The following ZDHHC20 variants were observed in gnomAD, a reference collection of about 807,000 sequenced individuals.
The protein encoded by ZDHHC20 is palmitoyltransferase ZDHHC20.
A neutral mutation model predicts 57.8 loss-of-function variants in ZDHHC20; 43 were observed. The ratio of observed to expected loss-of-function variants is 0.74; its 90% CI spans 0.58 to 0.96. The LOEUF is 0.96. Ranked by LOEUF, ZDHHC20 falls within the 40% of genes least tolerant of loss-of-function variation. ZDHHC20 has a pLI of 0.00. For synonymous variants in ZDHHC20, 157 were observed against 153.0 expected, an observed-to-expected ratio of 1.03 and a Z score of -0.19; for missense variants, 391 against 441.1, an observed-to-expected ratio of 0.89 and a Z score of 1.02.
chr13:21,458,975 CG>C, intron 1 of ZDHHC20, 78 bp downstream of exon 1: 9 of 1,073,558 alleles, frequency 8.4e-6, no homozygotes, highest in Non-Finnish European at 1.1e-5. Flanking sequence ...AGAAAGGCGG[CG>C]GGTGTGGGGC....
In ZDHHC20 at chr13:21,380,134, G is replaced by C. The variant is rs187287737; in HGVS notation, c.1060+1300C>G. 9.6e-3 allele frequency among the ~76,000 whole-genome samples: 1,292 copies of C among 134,764 alleles called. 9 individuals are homozygous for C. The highest frequency in any genetic ancestry group is 0.058 in the Middle Eastern group (8 of 138). 88.4% of individuals were successfully genotyped at this position (134,764 alleles called of 152,430 possible). On this transcript the variant is annotated intron_variant, in intron 11 of 12. Transcript: ENST00000400590. Reference sequence around the variant, plus strand: ...CCAGCCTTTTTTTCCTTTCTTCCCCGAGATGGAGTCTCACTCTGTCACCCA... The same window carrying C: ...CCAGCCTTTTTTTCCTTTCTTCCCCCAGATGGAGTCTCACTCTGTCACCCA...
chr13:21,378,820 C>T, intron 11 of ZDHHC20, 82 bp from the exon 12 acceptor site: 1 of 732,362 alleles, frequency 1.4e-6, no homozygotes, highest in Admixed American at 3.8e-5. Context: ...GGTAAAATGA[C>T]AGCAAAAATG....
At chr13:21,433,414 G>A (rs4770156) in intron 1 of ZDHHC20, among the ~76,000 whole-genome samples, 58,561 of 151,936 alleles carry the variant, frequency 0.39, 11,631 homozygotes, top group Non-Finnish European at 0.43. Flanking sequence ...TCAGGAGATC[G>A]AGACCATCCT....
chr13:21,432,515 G>A (rs1418939781), intron 1 of ZDHHC20, among the ~76,000 whole-genome samples: 1 of 151,984 alleles, frequency 6.6e-6, no homozygotes, highest in Non-Finnish European at 1.5e-5. Flanking sequence ...GTGTTTTTTA[G>A]TAGAGATGGG....
intron 1 of ZDHHC20, among the ~76,000 whole-genome samples, chr13:21,454,110 G>A (rs1884703051): frequency 2.0e-5 from 3 of 152,134 alleles, no homozygotes; most frequent in Admixed American, 1.3e-4. Context: ...TGGATCGCTT[G>A]AGGTCAGGAG....
chr13:21,375,159 T>C lies in ZDHHC20; in HGVS notation c.*1537A>G, dbSNP rs1348787936. The stretch of plus-strand genomic sequence containing the variant: ...AAAAAGAAGAAAAAAATTTATTGGG[T>C]GAATGAAAAGTGATTTTGCAAAATT... On this transcript the variant is annotated 3_prime_UTR_variant, in exon 13 of 13. Transcript: ENST00000400590. 2.2e-6 allele frequency: 1 copy of C among 456,382 alleles called. No individual in the cohort carries two copies. The highest frequency in any genetic ancestry group is 2.0e-5 in the African/African-American group (1 of 50,114). The allele number at this position is 456,382 out of a possible 1,614,324, so 28.3% of individuals were successfully genotyped here.
chr13:21,402,005 C>T (rs548201946), intron 5 of ZDHHC20, among the ~76,000 whole-genome samples: 10 of 151,868 alleles, frequency 6.6e-5, no homozygotes, highest in East Asian at 5.8e-4. Context: ...GAGGTGGAGG[C>T]GATAGGATCA....
At chr13:21,382,894 G>C (rs1189088931) in intron 10 of ZDHHC20, 26 bp downstream of exon 10, 2 of 1,531,596 alleles carry the variant, frequency 1.3e-6, no homozygotes, top group Admixed American at 3.9e-5. Flanking sequence ...GATGAATATA[G>C]AAAAGCATAA....
chr13:21,449,151 C>T (rs1204880243), intron 1 of ZDHHC20, among the ~76,000 whole-genome samples: 1 of 145,046 alleles, frequency 6.9e-6, no homozygotes, highest in Non-Finnish European at 1.5e-5. Flanking sequence ...CTGACCTTCC[C>T]TCCACTATTG....
intron 2 of ZDHHC20, among the ~76,000 whole-genome samples, chr13:21,422,353 T>G (rs1192000317): frequency 1.3e-5 from 2 of 152,150 alleles, no homozygotes; most frequent in East Asian, 3.8e-4. Flanking sequence ...TGTCCTTCCT[T>G]TGGACTGAGG....
At chr13:21,433,570 T>C (rs1215743407) in intron 1 of ZDHHC20, among the ~76,000 whole-genome samples, 2 of 133,620 alleles carry the variant, frequency 1.5e-5, no homozygotes, top group Admixed American at 8.6e-5. Flanking sequence ...TGAGCCGAGA[T>C]CACTCCACTG....
At chr13:21,381,069 C>T (rs909913002) in intron 11 of ZDHHC20, among the ~76,000 whole-genome samples, 15 of 151,636 alleles carry the variant, frequency 9.9e-5, no homozygotes, top group African/African-American at 2.7e-4. Context: ...TGCAGTGGCG[C>T]GATCTCAGCT....
intron 3 of ZDHHC20, among the ~76,000 whole-genome samples, chr13:21,419,148 A>C (rs1416139974): frequency 6.6e-6 from 1 of 152,220 alleles, no homozygotes; most frequent in Non-Finnish European, 1.5e-5. Flanking sequence ...TTTCAATTTC[A>C]AGATTAAGAA....
chr13:21,409,459 C>A (rs1337369798), intron 4 of ZDHHC20, among the ~76,000 whole-genome samples: 1 of 152,102 alleles, frequency 6.6e-6, no homozygotes, highest in African/African-American at 2.4e-5. Flanking sequence ...GTGATATCCC[C>A]TTTATCATTT....
At position 21,375,950 on chromosome 13, in the gene ZDHHC20, A is replaced by G. The variant is rs751488665; in HGVS notation, c.*746T>C. ...AGTTCAACAAAAAAAGCTATAAAAT[A>G]GCAGAGAGAACCCAAAATATTTCTT... On this transcript the variant is annotated 3_prime_UTR_variant, in exon 13 of 13. Coordinates refer to ENST00000400590, the MANE Select transcript of ZDHHC20 (RefSeq NM_001330059.2). 6.6e-6 allele frequency: 1 copy of G among 152,228 alleles called. No homozygotes were observed. The highest frequency in any genetic ancestry group is 1.5e-5 in the Non-Finnish European group (1 of 68,042). The allele number at this position is 152,228 out of a possible 1,614,324, so 9.4% of individuals were successfully genotyped here. A position where few individuals can be genotyped will look rare whatever the true frequency, so the allele number is the denominator to read the frequency against.
chr13:21,453,067 T>C (rs1884604260), intron 1 of ZDHHC20, among the ~76,000 whole-genome samples: 2 of 152,194 alleles, frequency 1.3e-5, no homozygotes, highest in Admixed American at 1.3e-4. Flanking sequence ...AAATATATGC[T>C]CTTTACGAGA....
chr13:21,455,683 C>T (rs976153239), intron 1 of ZDHHC20, among the ~76,000 whole-genome samples: 7 of 150,622 alleles, frequency 4.6e-5, no homozygotes, highest in African/African-American at 1.7e-4. Flanking sequence ...TCTAATTACA[C>T]AATTAGCAAG....
intron 6 of ZDHHC20, among the ~76,000 whole-genome samples, 165 bp downstream of exon 6, chr13:21,401,488 G>C (rs1877616603): frequency 6.6e-6 from 1 of 152,096 alleles, no homozygotes; most frequent in Admixed American, 6.5e-5. Flanking sequence ...TATTTTAATA[G>C]AAACCATTTA....
At chr13:21,440,036 C>T (rs1252424303) in intron 1 of ZDHHC20, among the ~76,000 whole-genome samples, 1 of 142,944 alleles carries the variant, frequency 7.0e-6, no homozygotes, top group African/African-American at 2.7e-5. Context: ...CATGGCACTC[C>T]AGCCTGGGCG....
Sources: gnomAD v4.1 joint callset for allele counts (sites outside exome capture counted in the v4.1 genomes callset) on GRCh38, gnomAD v4.1.1 for gene constraint, MANE v1.5 for transcripts, NCBI Gene and HGNC (gene_info 2026-07-23, HGNC 2026-07-21) for gene names.